Variants in SLC6A9 observed in about 807,000 individuals in gnomAD.
SLC6A9 encodes solute carrier family 6 member 9.
Under a neutral mutation model 70.9 loss-of-function variants are expected in SLC6A9, and 31 were observed. The observed-to-expected ratio is 0.44, with a 90% CI of 0.33 to 0.59. SLC6A9 has a LOEUF of 0.59. Among genes scored for constraint, SLC6A9 ranks in the 20% least tolerant of loss-of-function variants. The pLI is 0.04. For synonymous variants in SLC6A9, 310 were observed against 341.3 expected, an observed-to-expected ratio of 0.91 and a Z score of 1.01; for missense variants, 631 against 845.2, an observed-to-expected ratio of 0.75 and a Z score of 3.14.
intron 4 of SLC6A9, among the ~76,000 whole-genome samples, chr1:44,008,921 T>C (rs2086430835): frequency 6.6e-6 from 1 of 151,310 alleles, no homozygotes; most frequent in South Asian, 2.1e-4. Context: ...GGGGTTTCAC[T>C]GTGTTAGCCA....
chr1:44,027,976 C>T (rs968633718), intron 1 of SLC6A9, among the ~76,000 whole-genome samples: 2 of 152,006 alleles, frequency 1.3e-5, no homozygotes, highest in Non-Finnish European at 2.9e-5. Context: ...ACTCTTATCT[C>T]AAAAAATAAA....
chr1:44,029,515 G>A (rs2087053295), intron 1 of SLC6A9, among the ~76,000 whole-genome samples: 1 of 152,184 alleles, frequency 6.6e-6, no homozygotes, highest in Non-Finnish European at 1.5e-5. Context: ...ACTTCCACCT[G>A]TATGTATCCT....
intron 12 of SLC6A9, among the ~76,000 whole-genome samples, chr1:43,998,551 C>T (rs1408083689): frequency 6.6e-6 from 1 of 152,204 alleles, no homozygotes; most frequent in Non-Finnish European, 1.5e-5. Flanking sequence ...CCCAGATTTC[C>T]TCCATTTCCT....
intron 2 of SLC6A9, among the ~76,000 whole-genome samples, chr1:44,012,228 C>A (rs1268916217): frequency 6.6e-6 from 1 of 152,262 alleles, no homozygotes; most frequent in African/African-American, 2.4e-5. Context: ...TGCTATCAGA[C>A]CCTGATGCTG....
intron 5 of SLC6A9, among the ~76,000 whole-genome samples, chr1:44,005,984 T>TA (rs1175915188): frequency 6.6e-6 from 1 of 152,218 alleles, no homozygotes; most frequent in African/African-American, 2.4e-5. Context: ...TTTTACTGGA[T>TA]AAAATCTCTA....
At chr1:44,016,137 AGGACCCTGGGT>A (rs745475189) in intron 2 of SLC6A9, among the ~76,000 whole-genome samples, 9 of 152,200 alleles carry the variant, frequency 5.9e-5, no homozygotes, top group Non-Finnish European at 1.2e-4. Flanking sequence ...TGAGTGATGG[AGGACCCTGGGT>A]GGACCCTGGC....
intron 5 of SLC6A9, among the ~76,000 whole-genome samples, chr1:44,005,216 G>A (rs2086265889): frequency 6.6e-6 from 1 of 152,156 alleles, no homozygotes; most frequent in Non-Finnish European, 1.5e-5. Flanking sequence ...GCCCCACAGG[G>A]ACCGCAGAGG....
At chr1:44,026,847 G>A (rs1458098037) in intron 1 of SLC6A9, among the ~76,000 whole-genome samples, 1 of 152,168 alleles carries the variant, frequency 6.6e-6, no homozygotes, top group African/African-American at 2.4e-5. Context: ...GAGGTCACAT[G>A]CCTTCCTTGT....
rs367937505 is a variant in SLC6A9, at chr1:44,015,447, C to T, written c.31-4565G>A. Among the ~76,000 whole-genome samples, 4 of 152,224 alleles carry T rather than the reference C, an allele frequency of 2.6e-5. No individual in the cohort carries two copies. In the East Asian group the frequency reaches 5.8e-4, roughly 22 times the overall value. ...AGCAGGCTTTGTGTTTAGGACTCTC[C>T]AGCCCCAGGGTTTGCTCATGGGATG... On this transcript the variant is annotated intron_variant, in intron 2 of 13. Coordinates refer to ENST00000372310, the MANE Select transcript of SLC6A9 (RefSeq NM_001024845.3).
Position 44,002,736 on chromosome 1 carries a change from G to A in SLC6A9, c.724-90C>T, listed in dbSNP as rs1234663391. The A allele has an allele frequency of 6.3e-7, 1 of 1,594,330 alleles. No homozygotes were observed. The highest frequency in any genetic ancestry group is 2.2e-5 in the East Asian group (1 of 44,718). ...CTCCCTAATCACCACCAGCCCCCTG[G>A]TCCCTCTCCGGCTCCGGAGTCCCTT... is the stretch of plus-strand genomic sequence containing the variant. On this transcript the variant is annotated intron_variant, in intron 6 of 13. Transcript: ENST00000372310. The surrounding 1 kb of genome is among the most constrained non-coding windows in gnomAD (Gnocchi z 5.5).
At chr1:44,017,615 C>T (rs1428734891) in intron 2 of SLC6A9, among the ~76,000 whole-genome samples, 1 of 152,224 alleles carries the variant, frequency 6.6e-6, no homozygotes, top group African/African-American at 2.4e-5. Context: ...CAGAGCAGCT[C>T]AGGCTCCACG....
intron 12 of SLC6A9, among the ~76,000 whole-genome samples, chr1:44,000,345 C>T (rs1430251452): frequency 2.0e-5 from 3 of 152,268 alleles, no homozygotes; most frequent in Non-Finnish European, 1.5e-5. Context: ...CCTCTGACTC[C>T]ACAGTCTGGT....
At chr1:44,024,448 C>A (rs1434571671) in intron 1 of SLC6A9, 86 bp from the exon 2 acceptor site, 1 of 724,436 alleles carries the variant, frequency 1.4e-6, no homozygotes, top group South Asian at 1.6e-5. Context: ...CCACCCACCA[C>A]CAGCCTGCCC....
At position 44,000,800 on chromosome 1, in the gene SLC6A9, G is replaced by T; in HGVS notation, c.1503C>A (p.Ile501=). 6.2e-7 allele frequency: 1 copy of T among 1,611,992 alleles called. No individual in the cohort carries two copies. Among genetic ancestry groups the T allele is most frequent in the Non-Finnish European group, 8.5e-7 (1 of 1,178,988 alleles). ...LGFPPPLFFQ[I]CWRFVSPAII... is the part of the protein sequence containing the mutation. ...TGGCGGGAGAGACGAAGCGCCAGCA[G>T]ATCTGAAAGAAGAGGGGTGGTGGGA... is the stretch of plus-strand genomic sequence containing the variant. The change falls in exon 12 of 14, where the codon ATC becomes ATA. Residue 501 remains isoleucine, a synonymous_variant. Transcript: ENST00000372310.
intron 1 of SLC6A9, chr1:44,030,373 C>T (rs2087082072): frequency 6.6e-6 from 1 of 152,402 alleles, no homozygotes; most frequent in South Asian, 1.8e-4. Flanking sequence ...GCCCCGCCCC[C>T]GGGCCGGCAC....
intron 8 of SLC6A9, 48 bp from the exon 9 acceptor site, chr1:44,001,675 C>A (rs188509294): frequency 1.4e-6 from 2 of 1,455,100 alleles, no homozygotes; most frequent in African/African-American, 2.8e-5. Flanking sequence ...CCAATTTGGG[C>A]CAAGAGGAGA....
At chr1:44,024,943 G>A (rs557653452) in intron 1 of SLC6A9, among the ~76,000 whole-genome samples, 6 of 152,278 alleles carry the variant, frequency 3.9e-5, no homozygotes, top group South Asian at 2.1e-4. Context: ...ACAAATCTTC[G>A]GCACTGCACC....
intron 2 of SLC6A9, among the ~76,000 whole-genome samples, chr1:44,021,438 G>A (rs902715796): frequency 7.2e-5 from 11 of 152,186 alleles, no homozygotes; most frequent in Non-Finnish European, 1.2e-4. Context: ...TACCCATGGG[G>A]CACTGGCTGT....
intron 1 of SLC6A9, among the ~76,000 whole-genome samples, chr1:44,026,487 C>T (rs1172497043): frequency 1.3e-5 from 2 of 151,960 alleles, no homozygotes; most frequent in Non-Finnish European, 2.9e-5. Flanking sequence ...GGCGAAATCC[C>T]GTCTCTACTA....
Sources: gnomAD v4.1 joint callset for allele counts (sites outside exome capture counted in the v4.1 genomes callset) on GRCh38, gnomAD v4.1.1 for gene constraint, Gnocchi (gnomAD v3.1) non-coding constraint, MANE v1.5 for transcripts, NCBI Gene and HGNC (gene_info 2026-07-23, HGNC 2026-07-21) for gene names.